Variants in SLC9A9 observed in about 807,000 individuals in gnomAD.
SLC9A9 encodes solute carrier family 9 member A9, also known as sodium/hydrogen exchanger 9.
A neutral mutation model predicts 77.8 loss-of-function variants in SLC9A9; 62 were observed. The ratio of observed to expected loss-of-function variants is 0.80; its 90% CI spans 0.65 to 0.98. The LOEUF (loss-of-function observed/expected upper bound fraction) is 0.98, where lower values mean the gene tolerates loss of function less well. SLC9A9 is among the 50% of genes least tolerant of loss of function. The pLI, the probability that SLC9A9 is intolerant of heterozygous loss-of-function variation, is 0.00. For missense variants in SLC9A9, 775 were observed against 774.9 expected (o/e 1.00, Z 0.00); for synonymous variants, 320 against 283.5 (o/e 1.13, Z -1.29).
intron 4 of SLC9A9, among the ~76,000 whole-genome samples, chr3:143,707,509 T>C (rs1161777152): frequency 6.6e-6 from 1 of 152,168 alleles, no homozygotes; most frequent in Non-Finnish European, 1.5e-5. Context: ...ACTATTTAAT[T>C]CTAAGTAGAA....
At chr3:143,538,359 AG>A (rs2036628596) in intron 9 of SLC9A9, among the ~76,000 whole-genome samples, 1 of 152,196 alleles carries the variant, frequency 6.6e-6, no homozygotes, top group Non-Finnish European at 1.5e-5. Flanking sequence ...ATCAGTACAA[AG>A]GGGAAGAATA....
At position 143,449,850 on chromosome 3, in the gene SLC9A9, T is replaced by C. The variant is rs1287347606; in HGVS notation, c.1469+17187A>G. Among the ~76,000 whole-genome samples the C allele has an allele frequency of 2.7e-4, 17 of 62,116 alleles. 5 individuals carry two copies. Among genetic ancestry groups the C allele is most frequent in the African/African-American group, 1.3e-3 (17 of 12,810 alleles). The allele number at this position is 62,116 out of a possible 152,430, so 40.8% of individuals were successfully genotyped here. ...TATATAATTATATGTATTATATATA[T>C]ATAATTATATATATAAAATATATAA... On this transcript the variant is annotated intron_variant, in intron 12 of 15. Transcript: ENST00000316549.
At chr3:143,833,824 A>G (rs1322224506) in intron 1 of SLC9A9, among the ~76,000 whole-genome samples, 12 of 152,226 alleles carry the variant, frequency 7.9e-5, no homozygotes, top group Non-Finnish European at 1.8e-4. Context: ...ATATACAGAA[A>G]GACATAAGAA....
intron 9 of SLC9A9, among the ~76,000 whole-genome samples, chr3:143,530,279 G>C (rs888691118): frequency 6.6e-6 from 1 of 152,188 alleles, no homozygotes; most frequent in African/African-American, 2.4e-5. Flanking sequence ...TTGTGGGGGG[G>C]ACCCGGTGAG....
chr3:143,779,736 G>A (rs2007812439), intron 4 of SLC9A9, among the ~76,000 whole-genome samples: 2 of 152,218 alleles, frequency 1.3e-5, no homozygotes, highest in Admixed American at 1.3e-4. Context: ...ACATAGTTGT[G>A]AAATGCAAAT....
At chr3:143,778,817 A>G (rs1375460004) in intron 4 of SLC9A9, among the ~76,000 whole-genome samples, 3 of 152,346 alleles carry the variant, frequency 2.0e-5, no homozygotes, top group African/African-American at 7.2e-5. Flanking sequence ...AGTTGAGTCT[A>G]AGAAAAGATT....
At chr3:143,801,767 C>T (rs866257293) in intron 2 of SLC9A9, among the ~76,000 whole-genome samples, 6 of 152,106 alleles carry the variant, frequency 3.9e-5, no homozygotes, top group Admixed American at 6.5e-5. Flanking sequence ...CTCAACAAGC[C>T]GAACTCATTG....
chr3:143,705,867 A>G (rs1933956274), intron 4 of SLC9A9, among the ~76,000 whole-genome samples: 1 of 152,216 alleles, frequency 6.6e-6, no homozygotes, highest in Non-Finnish European at 1.5e-5. Context: ...AAGAATGCAA[A>G]GGTGAATCAG....
intron 14 of SLC9A9, among the ~76,000 whole-genome samples, chr3:143,282,275 C>T (rs1411546474): frequency 6.6e-6 from 1 of 152,176 alleles, no homozygotes; most frequent in Non-Finnish European, 1.5e-5. Context: ...AACCCACAAC[C>T]CACTCAGAAA....
At chr3:143,393,931 T>C (rs140524788) in intron 12 of SLC9A9, among the ~76,000 whole-genome samples, 47,814 of 151,296 alleles carry the variant, frequency 0.32, 7,703 homozygotes, top group Non-Finnish European at 0.35. Flanking sequence ...TAGACCAATA[T>C]GAGGCTCTGA....
chr3:143,564,105 T>C (rs887194618), intron 8 of SLC9A9, among the ~76,000 whole-genome samples: 7 of 152,220 alleles, frequency 4.6e-5, no homozygotes, highest in Non-Finnish European at 1.0e-4. Flanking sequence ...ACAAGGAGAT[T>C]AATCCTAATT....
At chr3:143,299,447 ATT>A (rs575643487) in intron 14 of SLC9A9, among the ~76,000 whole-genome samples, 23 of 141,364 alleles carry the variant, frequency 1.6e-4, no homozygotes, top group Non-Finnish European at 1.4e-4. Flanking sequence ...GGACCTACAC[ATT>A]TTTTTTTTTT....
At chr3:143,741,002 A>T (rs1935060145) in intron 4 of SLC9A9, among the ~76,000 whole-genome samples, 1 of 152,234 alleles carries the variant, frequency 6.6e-6, no homozygotes, top group South Asian at 2.1e-4. Context: ...GCAAGAACTC[A>T]TGTTTAACTT....
intron 11 of SLC9A9, among the ~76,000 whole-genome samples, chr3:143,480,274 G>T (rs1258044924): frequency 6.6e-6 from 1 of 152,242 alleles, no homozygotes; most frequent in Non-Finnish European, 1.5e-5. Flanking sequence ...AGTGAAGAAT[G>T]ATAATGCTTG....
At chr3:143,430,549 G>A (rs1176077097) in intron 12 of SLC9A9, among the ~76,000 whole-genome samples, 3 of 152,204 alleles carry the variant, frequency 2.0e-5, no homozygotes, top group Non-Finnish European at 4.4e-5. Context: ...CCTGTGGAAG[G>A]GGCAGGGCAG....
chr3:143,364,570 TA>T (rs1176116802), intron 13 of SLC9A9, among the ~76,000 whole-genome samples: 5 of 152,198 alleles, frequency 3.3e-5, no homozygotes, highest in African/African-American at 7.2e-5. Flanking sequence ...GATTTGCTTT[TA>T]TTTTTTTTGT....
chr3:143,412,629 A>G (rs2034116678), intron 12 of SLC9A9, among the ~76,000 whole-genome samples: 1 of 151,786 alleles, frequency 6.6e-6, no homozygotes, highest in Non-Finnish European at 1.5e-5. Context: ...AATTCTTTTC[A>G]CTCTCTAATC....
intron 14 of SLC9A9, among the ~76,000 whole-genome samples, chr3:143,288,320 A>T (rs1938438325): frequency 6.6e-6 from 1 of 152,106 alleles, no homozygotes; most frequent in Non-Finnish European, 1.5e-5. Flanking sequence ...AAATGCCCAT[A>T]GGTTTCTTGG....
Position 143,268,990 on chromosome 3 carries a change from C to T in SLC9A9, c.1605-10G>A, listed in dbSNP as rs559072875. 4.4e-6 allele frequency: 7 copies of T among 1,587,922 alleles called. No individual in the cohort carries two copies. The South Asian group carries it at 4.4e-5, about 10-fold the overall frequency. ...AATTGGTTTCAGATACCTGGGAGGC[C>T]TGTTAAGGAATACTTGTCAACAGGG... On this transcript the variant is annotated splice_polypyrimidine_tract_variant and intron_variant, in intron 14 of 15. Coordinates refer to ENST00000316549, the MANE Select transcript of SLC9A9 (RefSeq NM_173653.4).
Sources: gnomAD v4.1 joint callset for allele counts (sites outside exome capture counted in the v4.1 genomes callset) on GRCh38, gnomAD v4.1.1 for gene constraint, MANE v1.5 for transcripts, NCBI Gene and HGNC (gene_info 2026-07-23, HGNC 2026-07-21) for gene names.